The following ITPR1 variants were observed in gnomAD, a reference collection of about 807,000 sequenced individuals.
The protein encoded by ITPR1 is inositol 1,4,5-trisphosphate receptor type 1.
A neutral mutation model predicts 318.4 loss-of-function variants in ITPR1; 96 were observed. That is an observed-to-expected ratio of 0.30 (90% CI 0.26 to 0.36). The LOEUF is 0.36. Ranked by LOEUF, ITPR1 falls within the 10% of genes least tolerant of loss-of-function variation. The pLI is 1.00. For missense variants in ITPR1, 2,440 were observed against 3,460.2 expected, an observed-to-expected ratio of 0.71 and a Z score of 7.40; for synonymous variants, 1,312 against 1,289.9, an observed-to-expected ratio of 1.02 and a Z score of -0.37.
rs140288851 is a variant in ITPR1, at chr3:4,826,540, G to A, written c.8028+8298G>A. On this transcript the variant is annotated intron_variant, in intron 60 of 61. Coordinates refer to ENST00000649015, the MANE Select transcript of ITPR1 (RefSeq NM_001378452.1). This position sits in a 1 kb window ranked among gnomAD's most constrained non-coding sequence, Gnocchi z 4.2. ...GTGTGTCAGCGTCACTGGACTCGCC[G>A]CCCAGCCAGCCAGCCAGGCCTCTCT... Among the ~76,000 whole-genome samples, 485 of 152,234 alleles carry A rather than the reference G, an allele frequency of 3.2e-3. 3 individuals are homozygous for A. Among genetic ancestry groups the A allele is most frequent in the African/African-American group, 0.011 (468 of 41,536 alleles).
At chr3:4,496,247 A>G (rs1006729891) in intron 2 of ITPR1, among the ~76,000 whole-genome samples, 1 of 152,208 alleles carries the variant, frequency 6.6e-6, no homozygotes, top group African/African-American at 2.4e-5. Context: ...ACCTTTTCAT[A>G]TACCTTCCAG....
At chr3:4,497,283 G>C (rs991391397) in intron 2 of ITPR1, among the ~76,000 whole-genome samples, 7 of 152,182 alleles carry the variant, frequency 4.6e-5, no homozygotes, top group African/African-American at 1.7e-4. Flanking sequence ...TGTAGTTTAA[G>C]GCACATGGTG....
chr3:4,494,025 G>T (rs2080354993), intron 1 of ITPR1, among the ~76,000 whole-genome samples: 2 of 152,240 alleles, frequency 1.3e-5, no homozygotes, highest in Admixed American at 1.3e-4. Context: ...GGCCCCCCGT[G>T]GGGAGGGTTT....
chr3:4,816,497 G>C (rs772036470), intron 59 of ITPR1, among the ~76,000 whole-genome samples: 1 of 152,068 alleles, frequency 6.6e-6, no homozygotes, highest in Non-Finnish European at 1.5e-5. Context: ...AGCAATTCTC[G>C]TGCTTCAGCC....
At chr3:4,569,796 C>T (rs945801533) in intron 4 of ITPR1, among the ~76,000 whole-genome samples, 2 of 152,192 alleles carry the variant, frequency 1.3e-5, no homozygotes, top group Non-Finnish European at 2.9e-5. Flanking sequence ...TAACCTTAAA[C>T]TTTGTTCACA....
chr3:4,821,543 C>T (rs1193786782), intron 60 of ITPR1, among the ~76,000 whole-genome samples: 1 of 152,188 alleles, frequency 6.6e-6, no homozygotes, highest in South Asian at 2.1e-4. Context: ...TCTTGGAAAC[C>T]CAGGCTGACT....
At chr3:4,739,144 T>G (rs2043514379) in intron 44 of ITPR1, among the ~76,000 whole-genome samples, 1 of 152,192 alleles carries the variant, frequency 6.6e-6, no homozygotes, top group Non-Finnish European at 1.5e-5. Context: ...GGGGGAGTGA[T>G]TCAGAGTTTC....
chr3:4,583,797 G>C (rs2089599879), intron 4 of ITPR1, among the ~76,000 whole-genome samples: 1 of 152,212 alleles, frequency 6.6e-6, no homozygotes, highest in African/African-American at 2.4e-5. Context: ...TGGGGCAGTT[G>C]CAGGATGGGG....
At position 4,782,789 on chromosome 3, in the gene ITPR1, C is replaced by T. The variant is rs777791877; in HGVS notation, c.6510+48C>T. The T allele has an allele frequency of 9.9e-6, 14 of 1,409,108 alleles. No homozygotes were observed. The South Asian group carries it at 2.6e-4, about 26-fold the overall frequency. The allele number at this position is 1,409,108 out of a possible 1,614,324, so 87.3% of individuals were successfully genotyped here. ...TCTGGATGCTGCCTCCCTACAGGTC[C>T]AAAATTCCGAGCTGGAGGGTGCCCC... On this transcript the variant is annotated intron_variant, in intron 50 of 61. Coordinates refer to ENST00000649015, the MANE Select transcript of ITPR1 (RefSeq NM_001378452.1).
intron 60 of ITPR1, among the ~76,000 whole-genome samples, chr3:4,821,044 C>T (rs567023399): frequency 1.6e-3 from 244 of 152,342 alleles, no homozygotes; most frequent in African/African-American, 5.6e-3. Context: ...GGGCATCCTA[C>T]CCACTGCTGC....
intron 4 of ITPR1, among the ~76,000 whole-genome samples, chr3:4,605,779 A>G (rs545711981): frequency 5.5e-4 from 83 of 152,274 alleles, no homozygotes; most frequent in African/African-American, 1.9e-3. Flanking sequence ...TTCAGCATCT[A>G]TCGCTGAGGC....
At chr3:4,602,885 T>C (rs564754948) in intron 4 of ITPR1, among the ~76,000 whole-genome samples, 9 of 152,000 alleles carry the variant, frequency 5.9e-5, no homozygotes, top group Non-Finnish European at 1.3e-4. Flanking sequence ...GTATAGGATG[T>C]TTTTGTGGGG....
intron 42 of ITPR1, 65 bp downstream of exon 42, chr3:4,727,238 C>T: frequency 1.7e-6 from 2 of 1,179,500 alleles, no homozygotes; most frequent in Non-Finnish European, 2.4e-6. Context: ...CTCCATCAGC[C>T]ACACACTGTG....
rs116772322 is a variant in ITPR1 at position 4,673,884 on chromosome 3, G to A, written c.2457-318G>A. On this transcript the variant is annotated intron_variant, in intron 21 of 61. Transcript: ENST00000649015. ...GGCGTGAGCCACCGCGCCTGGCCCC[G>A]ATTGTATTTTTTATATCTCATTTAT... 8.1e-3 allele frequency among the ~76,000 whole-genome samples: 1,238 copies of A among 152,216 alleles called. 21 individuals are homozygous for A. The highest frequency in any genetic ancestry group is 0.028 in the African/African-American group (1,155 of 41,516).
intron 4 of ITPR1, chr3:4,596,243 G>A (rs2090805846): frequency 1.3e-5 from 2 of 152,092 alleles, no homozygotes; most frequent in African/African-American, 4.8e-5. Flanking sequence ...GTTCCTTAGA[G>A]TTTATTGTAA....
intron 53 of ITPR1, chr3:4,799,912 G>C (rs1468352207): frequency 6.6e-6 from 1 of 152,634 alleles, no homozygotes; most frequent in Non-Finnish European, 1.5e-5. Context: ...ATTAAGTTTA[G>C]GCTTCCACGT....
chr3:4,814,322 C>T (rs568334243), intron 57 of ITPR1, 101 bp from the exon 58 acceptor site: 70 of 1,237,578 alleles, frequency 5.7e-5, no homozygotes, highest in South Asian at 3.1e-4. Context: ...TTTATTCTTT[C>T]GTGTGCCTGG....
chr3:4,551,382 G>A (rs573147687), intron 4 of ITPR1, among the ~76,000 whole-genome samples: 57 of 152,320 alleles, frequency 3.7e-4, no homozygotes, highest in African/African-American at 1.3e-3. Context: ...ATCATGAAGC[G>A]ATTCAGAAAT....
chr3:4,730,513 T>C (rs886120193), intron 42 of ITPR1, among the ~76,000 whole-genome samples: 2 of 151,954 alleles, frequency 1.3e-5, no homozygotes, highest in Admixed American at 1.3e-4. Flanking sequence ...CTAGGGTTTT[T>C]CTGTTGAAGG....
Sources: allele counts gnomAD v4.1 joint callset (sites outside exome capture counted in the v4.1 genomes callset), GRCh38; gene constraint gnomAD v4.1.1; non-coding constraint Gnocchi (gnomAD v3.1); transcripts MANE v1.5; gene names NCBI Gene and HGNC (gene_info 2026-07-23, HGNC 2026-07-21).